Variants in HNRNPH1 observed in about 807,000 individuals in gnomAD.
The protein encoded by HNRNPH1 is heterogeneous nuclear ribonucleoprotein H1, also known as heterogeneous nuclear ribonucleoprotein H.
In HNRNPH1, 4 loss-of-function variants were observed where a neutral mutation model predicts 58.6. That is an observed-to-expected ratio of 0.07 (90% CI 0.03 to 0.16). The LOEUF (loss-of-function observed/expected upper bound fraction) is 0.16, where lower values mean the gene tolerates loss of function less well. Among genes scored for constraint, HNRNPH1 ranks in the 10% least tolerant of loss-of-function variants. HNRNPH1 has a pLI of 1.00. For synonymous variants in HNRNPH1, 192 were observed against 189.2 expected (o/e 1.01, Z -0.12); for missense variants, 271 against 564.2 (o/e 0.48, Z 5.26).
exon 7 of HNRNPH1, chr5:179,617,899 T>G: frequency 6.2e-7 from 1 of 1,614,078 alleles, no homozygotes. Context: ...CCCGTATCTG[T>G]GATCAGACAT....
At position 179,623,176 on chromosome 5, in the gene HNRNPH1, G is replaced by T; in HGVS notation, c.-43C>A. The T allele has an allele frequency of 1.4e-6, 2 of 1,456,626 alleles. No homozygotes were observed. Among genetic ancestry groups the T allele is most frequent in the African/African-American group, 1.4e-5 (1 of 71,306 alleles). 90.2% of individuals were successfully genotyped at this position (1,456,626 alleles called of 1,614,324 possible). A position where few individuals can be genotyped will look rare whatever the true frequency, so the allele number is the denominator to read the frequency against. ...GGCGTCGAAACAAACTGCAAAGCGG[G>T]GAGGACCAGAACTGAGAGCGCCAAT... On this transcript the variant is annotated 5_prime_UTR_variant, in exon 1 of 13. Coordinates refer to ENST00000356731, the Ensembl canonical transcript of HNRNPH1.
chr5:179,629,296 C>CAA (rs375223570), upstream of HNRNPH1: 45 of 138,596 alleles, frequency 3.2e-4, 1 homozygote, highest in Non-Finnish European at 4.3e-4. Flanking sequence ...GACTCCGTCT[C>CAA]AAAAAAAAAA....
rs1333882474 is a variant in HNRNPH1, at chr5:179,619,105, TTA to T, written c.536+162_536+163del. 5 of 597,934 alleles carry T rather than the reference TTA, an allele frequency of 8.4e-6. No homozygotes were observed. The African/African-American group carries it at 9.5e-5, about 11-fold the overall frequency. 37.0% of individuals were successfully genotyped at this position (597,934 alleles called of 1,614,324 possible). A position where few individuals can be genotyped will look rare whatever the true frequency, so the allele number is the denominator to read the frequency against. ...TAGGGACAAATTTCAAACCTAAAAT[TTA>T]GTTTGCGTGTAACGTGGGACTGACA... On this transcript the variant is annotated intron_variant, in intron 4 of 12. Coordinates refer to ENST00000356731, the Ensembl canonical transcript of HNRNPH1.
intron 1 of HNRNPH1, chr5:179,621,692 C>T (rs75316527): frequency 2.3e-6 from 1 of 426,184 alleles, no homozygotes; most frequent in African/African-American, 2.0e-5. Context: ...TTATCAATTT[C>T]TCAGAAGATT....
chr5:179,632,293 G>T (rs1417853342), intron 2 of HNRNPH1, among the ~76,000 whole-genome samples: 2 of 147,360 alleles, frequency 1.4e-5, no homozygotes, highest in South Asian at 4.3e-4. Flanking sequence ...GAGTGACAGA[G>T]CGAGACTCCG....
chr5:179,622,997 G>C (rs374055286), intron 1 of HNRNPH1, 40 bp downstream of exon 2: 2 of 661,088 alleles, frequency 3.0e-6, no homozygotes, highest in Non-Finnish European at 4.3e-6. Context: ...CGCCCGCCCC[G>C]GCCTCGAACT....
intron 10 of HNRNPH1, 134 bp from the exon 12 acceptor site, chr5:179,616,352 C>G: frequency 1.4e-6 from 1 of 740,666 alleles, no homozygotes; most frequent in Admixed American, 2.1e-5. Flanking sequence ...CTCCTTCTGC[C>G]TACTGTCTAT....
At chr5:179,624,522 C>T (rs1027300829) in exon 1 of HNRNPH1, 1 of 398,634 alleles carries the variant, frequency 2.5e-6, no homozygotes, top group Admixed American at 4.4e-5. Context: ...CCTCTGCGCT[C>T]GGTAGGTTAC....
At chr5:179,630,366 A>G (rs553694903) in intron 2 of HNRNPH1, among the ~76,000 whole-genome samples, 1 of 126,334 alleles carries the variant, frequency 7.9e-6, no homozygotes, top group South Asian at 2.4e-4. Context: ...ATAAATAAAT[A>G]AAAGAAAAAG....
In HNRNPH1 at chr5:179,616,849, A is replaced by T; in HGVS notation, c.1207+20T>A. 6.2e-7 allele frequency: 1 copy of T among 1,605,786 alleles called. No individual in the cohort carries two copies. Among genetic ancestry groups the T allele is most frequent in the Non-Finnish European group, 8.5e-7 (1 of 1,173,746 alleles). On this transcript the variant is annotated intron_variant, in intron 10 of 12. Coordinates refer to ENST00000356731, the Ensembl canonical transcript of HNRNPH1. The stretch of plus-strand genomic sequence containing the variant: ...ACAGATATAAACGTTTTGGTTTTTA[A>T]AAAAACTAACGATATTTACACAAGC...
exon 1 of HNRNPH1, chr5:179,623,370 C>T: frequency 2.9e-6 from 1 of 345,158 alleles, no homozygotes; most frequent in Non-Finnish European, 5.6e-6. Flanking sequence ...CGTGGGGGCC[C>T]GGGCCGAGAG....
At chr5:179,621,396 G>T (rs1338613658) in exon 2 of HNRNPH1, 1 of 1,612,364 alleles carries the variant, frequency 6.2e-7, no homozygotes, top group African/African-American at 1.3e-5. Context: ...GAATTTTGCA[G>T]TCTGGAAAGA....
chr5:179,616,170 C>T (rs1769507475), exon 11 of HNRNPH1: 1 of 1,614,120 alleles, frequency 6.2e-7, no homozygotes, highest in Non-Finnish European at 8.5e-7. Context: ...GCCTCCGTAA[C>T]CCCCACTCAG....
exon 7 of HNRNPH1, chr5:179,617,883 A>C: frequency 6.2e-7 from 1 of 1,613,488 alleles, no homozygotes; most frequent in Non-Finnish European, 8.5e-7. Flanking sequence ...AAGTAGAGCC[A>C]CCATCCCCGT....
chr5:179,614,275 C>T (rs1321126484), exon 13 of HNRNPH1: 2 of 152,012 alleles, frequency 1.3e-5, no homozygotes, highest in Non-Finnish European at 2.9e-5. Flanking sequence ...ATCAAGGCCT[C>T]AGAATTTCAT....
chr5:179,624,687 G>A, upstream of HNRNPH1: 1 of 398,178 alleles, frequency 2.5e-6, no homozygotes, highest in Admixed American at 4.4e-5. Flanking sequence ...AACCTAAGAT[G>A]CCGTAGCCTC....
At chr5:179,621,803 G>C in intron 1 of HNRNPH1, 1 of 378,528 alleles carries the variant, frequency 2.6e-6, no homozygotes, top group South Asian at 1.9e-5. Context: ...GCCACATTAC[G>C]GTTTCTCATT....
chr5:179,629,372 A>C (rs1459360527), upstream of HNRNPH1: 1 of 151,768 alleles, frequency 6.6e-6, no homozygotes, highest in Non-Finnish European at 1.5e-5. Flanking sequence ...GGCTCACTGC[A>C]ACCTCCCCCA....
At chr5:179,626,342 T>C (rs1774393809), upstream of HNRNPH1, among the ~76,000 whole-genome samples, 3 of 151,900 alleles carry the variant, frequency 2.0e-5, 1 homozygote, top group South Asian at 6.2e-4. Flanking sequence ...TGACCTCAAG[T>C]GATCTGCCTG....
Sources: gnomAD v4.1 joint callset for allele counts (sites outside exome capture counted in the v4.1 genomes callset) on GRCh38, gnomAD v4.1.1 for gene constraint, MANE v1.5 for transcripts, NCBI Gene and HGNC (gene_info 2026-07-23, HGNC 2026-07-21) for gene names.